The following MAP3K1 variants were observed in gnomAD, a reference collection of about 807,000 sequenced individuals.
MAP3K1 encodes MAP/ERK kinase kinase 1.
In MAP3K1, 36 loss-of-function variants were observed where a neutral mutation model predicts 144.2. The ratio of observed to expected loss-of-function variants is 0.25; its 90% CI spans 0.19 to 0.33. MAP3K1 has a LOEUF of 0.33. Among genes scored for constraint, MAP3K1 ranks in the 10% least tolerant of loss-of-function variants. The probability of loss-of-function intolerance (pLI) is 1.00; values close to 1 mark genes in which losing one functional copy is unlikely to be tolerated. For synonymous variants in MAP3K1, 718 were observed against 688.7 expected (o/e 1.04, Z -0.67); for missense variants, 1,650 against 1,881.9 (o/e 0.88, Z 2.28).
rs1263451957 is a variant in MAP3K1 at position 56,891,160 on chromosome 5, CACA to C, written c.4390-2370_4390-2368del. On this transcript the variant is annotated intron_variant, in intron 19 of 19. Coordinates refer to ENST00000399503, the MANE Select transcript of MAP3K1 (RefSeq NM_005921.2). ...CAGACACACACACACCCCCCCCCCC[CACA>C]CACACACACACAAATCATCAGTAAG... 5.6e-3 allele frequency among the ~76,000 whole-genome samples: 705 copies of C among 126,688 alleles called. 20 individuals are homozygous for C. The highest frequency in any genetic ancestry group is 0.02 in the African/African-American group (641 of 31,980). The allele number at this position is 126,688 out of a possible 152,430, so 83.1% of individuals were successfully genotyped here.
At chr5:56,877,810 T>G (rs1360894932) in intron 10 of MAP3K1, among the ~76,000 whole-genome samples, 1 of 152,180 alleles carries the variant, frequency 6.6e-6, no homozygotes, top group African/African-American at 2.4e-5. Context: ...CCACAGTGCA[T>G]TTAGTCACCA....
At chr5:56,838,491 CATT>C (rs1391342036) in intron 1 of MAP3K1, among the ~76,000 whole-genome samples, 1 of 152,152 alleles carries the variant, frequency 6.6e-6, no homozygotes. Flanking sequence ...ATGAGGAAGA[CATT>C]ATTTAGGAAG....
At position 56,882,435 on chromosome 5, in the gene MAP3K1, A is replaced by G. The variant is rs1255401560; in HGVS notation, c.3235A>G (p.Asn1079Asp). The G allele has an allele frequency of 6.8e-6, 11 of 1,614,148 alleles. No individual in the cohort carries two copies. Among genetic ancestry groups the G allele is most frequent in the Non-Finnish European group, 9.3e-6 (11 of 1,180,018 alleles). ...NTSKQGDPSK[N>D]SMTLDLNSSS... ...AAGTAAACAGGGAGATCCCTCAAAAAATAGCATGACACTTGATCTGAACAG... is the reference window on the plus strand; with the variant it reads ...AAGTAAACAGGGAGATCCCTCAAAAGATAGCATGACACTTGATCTGAACAG... Residue 1079 changes from asparagine (N) to aspartate (D), a missense_variant, in exon 14 of 20, where the codon AAT becomes GAT. By Grantham distance (23) the Asn-to-Asp change is conservative. Transcript: ENST00000399503.
chr5:56,841,222 C>T (rs918551367), intron 1 of MAP3K1, among the ~76,000 whole-genome samples: 23 of 150,482 alleles, frequency 1.5e-4, no homozygotes, highest in Non-Finnish European at 1.6e-4. Flanking sequence ...AAAAACTAGA[C>T]AGGTTAATAT....
In MAP3K1 at chr5:56,865,879, A is replaced by C; in HGVS notation, c.1203A>C (p.Lys401Asn). ...ACAGTAGGCGTAGCTCAAGGATCAA[A>C]GCTCCATCTCGTAACACCATCCAGA... ...KYHSRRSSRI[K>N]APSRNTIQKF... Residue 401 changes from lysine to asparagine, a missense_variant, in exon 6 of 20, where the codon AAA becomes AAC. Lys to Asn is a moderately conservative substitution (Grantham distance 94, BLOSUM62 0). Coordinates refer to ENST00000399503, the MANE Select transcript of MAP3K1 (RefSeq NM_005921.2). 6.2e-7 allele frequency: 1 copy of C among 1,614,052 alleles called. No individual in the cohort carries two copies. Among genetic ancestry groups the C allele is most frequent in the Non-Finnish European group, 8.5e-7 (1 of 1,179,910 alleles).
chr5:56,861,031 A>G (rs1196595558), intron 3 of MAP3K1, among the ~76,000 whole-genome samples: 1 of 152,224 alleles, frequency 6.6e-6, no homozygotes, highest in Non-Finnish European at 1.5e-5. Context: ...GATTATTTTC[A>G]TGCTGTATAA....
intron 2 of MAP3K1, among the ~76,000 whole-genome samples, chr5:56,858,443 G>A (rs1579752213): frequency 6.6e-6 from 1 of 152,174 alleles, no homozygotes; most frequent in Non-Finnish European, 1.5e-5. Flanking sequence ...GAGATGTGTG[G>A]AATAAGATGC....
rs1747987547 is a variant in MAP3K1 at position 56,875,220 on chromosome 5, C to G, written c.1875C>G (p.Thr625=). Residue 625 remains threonine, a synonymous_variant, in exon 10 of 20, where the codon ACC becomes ACG. Transcript: ENST00000399503. ...SGGATSGSSQ[T]SISGDVVEAC... ...GAGCCACCAGTGGGTCTTCCCAGAC[C>G]AGTATCTCAGGAGATGTGGTGGAGG... 3.7e-6 allele frequency: 6 copies of G among 1,614,104 alleles called. No homozygotes were observed. The highest frequency in any genetic ancestry group is 5.1e-6 in the Non-Finnish European group (6 of 1,180,016).
chr5:56,871,400 A>C (rs572152684), intron 6 of MAP3K1, among the ~76,000 whole-genome samples: 1 of 152,232 alleles, frequency 6.6e-6, no homozygotes, highest in Admixed American at 6.5e-5. Flanking sequence ...TCTAGGTGAA[A>C]GATTGTGTAC....
chr5:56,888,133 T>A, intron 18 of MAP3K1, 93 bp from the exon 19 acceptor site: 1 of 1,143,638 alleles, frequency 8.7e-7, no homozygotes, highest in Non-Finnish European at 1.3e-6. Flanking sequence ...ACCAGTTTTC[T>A]CCCTAAAGTA....
chr5:56,873,150 G>A (rs1302199779), intron 9 of MAP3K1, 145 bp downstream of exon 9: 2 of 754,802 alleles, frequency 2.6e-6, no homozygotes, highest in Non-Finnish European at 2.2e-6. Flanking sequence ...AAATTTTAAT[G>A]TTACTTTTGG....
intron 1 of MAP3K1, among the ~76,000 whole-genome samples, chr5:56,853,984 C>T (rs558478213): frequency 6.6e-6 from 1 of 152,226 alleles, no homozygotes; most frequent in South Asian, 2.1e-4. Context: ...AAAGAAGCCT[C>T]GTTAGGAGCC....
chr5:56,853,226 T>C (rs549047602), intron 1 of MAP3K1, among the ~76,000 whole-genome samples: 4 of 152,288 alleles, frequency 2.6e-5, no homozygotes, highest in Non-Finnish European at 5.9e-5. Context: ...ATTTCAGATA[T>C]TAAAATGTGA....
intron 1 of MAP3K1, among the ~76,000 whole-genome samples, chr5:56,816,667 C>T (rs554194039): frequency 6.6e-6 from 1 of 152,200 alleles, no homozygotes; most frequent in Non-Finnish European, 1.5e-5. Context: ...GCGCCCCCAG[C>T]GCCGGCCGCA....
At chr5:56,831,286 A>G (rs1544792) in intron 1 of MAP3K1, among the ~76,000 whole-genome samples, 2,245 of 150,724 alleles carry the variant, frequency 0.015, 32 homozygotes, top group Non-Finnish European at 0.022. Context: ...CTCTGTGATT[A>G]TATGTGTCCC....
At chr5:56,862,670 T>C (rs1747551227) in intron 3 of MAP3K1, among the ~76,000 whole-genome samples, 1 of 152,268 alleles carries the variant, frequency 6.6e-6, no homozygotes, top group African/African-American at 2.4e-5. Flanking sequence ...TTTTTATACG[T>C]ATGTCATCTT....
Position 56,893,848 on chromosome 5 carries a change from C to T in MAP3K1, c.*168C>T. 1.4e-6 allele frequency: 1 copy of T among 728,906 alleles called. No homozygotes were observed. Among genetic ancestry groups the T allele is most frequent in the Non-Finnish European group, 2.3e-6 (1 of 429,232 alleles). The allele number at this position is 728,906 out of a possible 1,614,324, so 45.2% of individuals were successfully genotyped here. ...TGTGATTGACAAATCATGATCTGTACCTAAGCTCAGTATGCAAAAGCCCAA... is the reference window on the plus strand; with the variant it reads ...TGTGATTGACAAATCATGATCTGTATCTAAGCTCAGTATGCAAAAGCCCAA... On this transcript the variant is annotated 3_prime_UTR_variant, in exon 20 of 20. Transcript: ENST00000399503.
rs56232761 is a variant in MAP3K1 at position 56,872,924 on chromosome 5, A to G, written c.1605A>G (p.Gln535=). Residue 535 remains glutamine, a synonymous_variant, in exon 9 of 20, where the codon CAA becomes CAG. Coordinates refer to ENST00000399503, the MANE Select transcript of MAP3K1 (RefSeq NM_005921.2). ...QQPLAGSRRN[Q]ESNFNLTHYG... The stretch of plus-strand genomic sequence containing the variant: ...CTTTGGCTGGATCACGAAGGAATCA[A>G]GAGAGCAATTTTAACCTTACTCATT... 34 of 1,614,178 alleles carry G rather than the reference A, an allele frequency of 2.1e-5. No individual in the cohort carries two copies. The East Asian group carries it at 6.9e-4, about 33-fold the overall frequency.
chr5:56,843,881 A>G (rs1334510562), intron 1 of MAP3K1, among the ~76,000 whole-genome samples: 3 of 152,178 alleles, frequency 2.0e-5, no homozygotes, highest in Non-Finnish European at 4.4e-5. Context: ...CAATTTTCTT[A>G]GAAATATTGA....
Sources: allele counts gnomAD v4.1 joint callset (sites outside exome capture counted in the v4.1 genomes callset), GRCh38; gene constraint gnomAD v4.1.1; transcripts MANE v1.5; gene names NCBI Gene and HGNC (gene_info 2026-07-23, HGNC 2026-07-21).